Variants in PLCG2 observed in about 807,000 individuals in gnomAD.
PLCG2 encodes the protein 1-phosphatidylinositol 4,5-bisphosphate phosphodiesterase gamma-2.
Under a neutral mutation model 175.6 loss-of-function variants are expected in PLCG2, and 69 were observed. That is an observed-to-expected ratio of 0.39 (90% confidence interval 0.32 to 0.48). The LOEUF (loss-of-function observed/expected upper bound fraction) is 0.48, where lower values mean the gene tolerates loss of function less well. Among genes scored for constraint, PLCG2 ranks in the 20% least tolerant of loss-of-function variants. PLCG2 has a pLI of 0.91. For synonymous variants in PLCG2, 827 were observed against 624.0 expected (o/e 1.33, Z -4.85); for missense variants, 1,798 against 1,650.9 (o/e 1.09, Z -1.54).
intron 31 of PLCG2, among the ~76,000 whole-genome samples, chr16:81,955,741 A>C (rs771081330): frequency 6.6e-6 from 1 of 152,190 alleles, no homozygotes; most frequent in Admixed American, 6.5e-5. Flanking sequence ...AGCACCAACG[A>C]AAGTCCCACG....
At chr16:81,936,792 G>A (rs1027661401) in intron 27 of PLCG2, among the ~76,000 whole-genome samples, 4 of 152,172 alleles carry the variant, frequency 2.6e-5, no homozygotes, top group African/African-American at 7.2e-5. Context: ...CAAAGTGATC[G>A]CATAAATCAC....
intron 2 of PLCG2, among the ~76,000 whole-genome samples, chr16:81,851,782 G>T (rs374575503): frequency 6.6e-6 from 1 of 151,920 alleles, no homozygotes; most frequent in South Asian, 2.1e-4. Context: ...CAAAGTGCTG[G>T]GATTACAGGC....
At chr16:81,827,340 T>C (rs1252441434) in intron 2 of PLCG2, among the ~76,000 whole-genome samples, 1 of 151,998 alleles carries the variant, frequency 6.6e-6, no homozygotes, top group African/African-American at 2.4e-5. Flanking sequence ...TATGCTCCCA[T>C]GCGCAGCTAT....
intron 7 of PLCG2, among the ~76,000 whole-genome samples, chr16:81,873,646 A>G (rs1429768438): frequency 2.6e-5 from 4 of 152,160 alleles, no homozygotes; most frequent in African/African-American, 9.7e-5. Flanking sequence ...AGATTTGCAC[A>G]TGGCTGGGAG....
At chr16:81,863,932 T>C (rs748188705) in intron 5 of PLCG2, among the ~76,000 whole-genome samples, 2 of 152,202 alleles carry the variant, frequency 1.3e-5, no homozygotes, top group Non-Finnish European at 2.9e-5. Context: ...ATAGGCTTCC[T>C]ATTTGAGACT....
intron 2 of PLCG2, among the ~76,000 whole-genome samples, chr16:81,829,258 A>G (rs8057683): frequency 0.43 from 65,608 of 151,662 alleles, 16,128 homozygotes; most frequent in African/African-American, 0.69. Flanking sequence ...ACATGCACAC[A>G]CCAACGTGCC....
chr16:81,814,011 C>CT (rs1904431174), intron 2 of PLCG2, among the ~76,000 whole-genome samples: 1 of 152,182 alleles, frequency 6.6e-6, no homozygotes, highest in Admixed American at 6.5e-5. Flanking sequence ...GGGCATCTCT[C>CT]TGAGCCTTGA....
intron 2 of PLCG2, among the ~76,000 whole-genome samples, chr16:81,820,666 G>A (rs1597336812): frequency 6.6e-6 from 1 of 152,086 alleles, no homozygotes; most frequent in East Asian, 1.9e-4. Flanking sequence ...TATTACCCAG[G>A]CTGGAGTGCA....
In PLCG2 at chr16:81,938,729, C is replaced by T. The variant is rs1243622155; in HGVS notation, c.3199-72C>T. 42 of 853,864 alleles carry T rather than the reference C, an allele frequency of 4.9e-5. No individual in the cohort carries two copies. In the South Asian group the frequency reaches 5.6e-4, roughly 11 times the overall value. 52.9% of individuals were successfully genotyped at this position (853,864 alleles called of 1,614,324 possible). ...ACTCATCCAGTGTCACTCTAGAACC[C>T]AGCTGCAATCCACGCTAGGCTGCCT... On this transcript the variant is annotated intron_variant, in intron 28 of 32. Transcript: ENST00000564138.
chr16:81,894,934 C>T (rs1451767140), intron 12 of PLCG2, among the ~76,000 whole-genome samples: 1 of 152,060 alleles, frequency 6.6e-6, no homozygotes, highest in Non-Finnish European at 1.5e-5. Flanking sequence ...CTGACTTAGG[C>T]TCCAGTGTTA....
At chr16:81,781,166 C>G (rs1910713643) in intron 1 of PLCG2, among the ~76,000 whole-genome samples, 2 of 152,238 alleles carry the variant, frequency 1.3e-5, no homozygotes, top group Admixed American at 6.5e-5. Flanking sequence ...CTCTCCCAGC[C>G]TCCGATAAAT....
intron 4 of PLCG2, 92 bp from the exon 5 acceptor site, chr16:81,859,024 C>A: frequency 5.3e-6 from 4 of 749,926 alleles, no homozygotes. Flanking sequence ...GGTTCCAGTT[C>A]CTTTTGTGCA....
At chr16:81,868,405 C>A (rs1357487689) in intron 5 of PLCG2, among the ~76,000 whole-genome samples, 1 of 152,108 alleles carries the variant, frequency 6.6e-6, no homozygotes, top group Non-Finnish European at 1.5e-5. Flanking sequence ...CAGGGGGTCC[C>A]CACTTACTCT....
intron 2 of PLCG2, among the ~76,000 whole-genome samples, chr16:81,842,437 G>C (rs921910101): frequency 2.0e-5 from 3 of 152,200 alleles, no homozygotes; most frequent in African/African-American, 7.2e-5. Context: ...CTGCAGTGTG[G>C]CATCCCTAGC....
At chr16:81,880,752 A>G (rs779552494) in intron 7 of PLCG2, among the ~76,000 whole-genome samples, 158 bp from the exon 8 acceptor site, 8 of 152,200 alleles carry the variant, frequency 5.3e-5, no homozygotes, top group Admixed American at 2.0e-4. Flanking sequence ...AGTTTCTGTT[A>G]TATTTGAATA....
Position 81,858,252 on chromosome 16 carries a change from C to G in PLCG2, c.338-11C>G, listed in dbSNP as rs371723456. On this transcript the variant is annotated splice_polypyrimidine_tract_variant and intron_variant, in intron 3 of 32. Coordinates refer to ENST00000564138, the MANE Select transcript of PLCG2 (RefSeq NM_002661.5). ...TTAACACAGCATTTCTGTTCCCTTT[C>G]TCCACTCCAGCTGACTCTAAAGAGG... The G allele has an allele frequency of 1.3e-6, 2 of 1,589,492 alleles. No homozygotes were observed. The highest frequency in any genetic ancestry group is 2.2e-5 in the East Asian group (1 of 44,750).
At chr16:81,923,881 T>G (rs1910157518) in intron 22 of PLCG2, among the ~76,000 whole-genome samples, 1 of 152,224 alleles carries the variant, frequency 6.6e-6, no homozygotes, top group Non-Finnish European at 1.5e-5. Flanking sequence ...TGGCAAGCAG[T>G]CTGCTAATTG....
At chr16:81,951,987 G>T (rs1216068033) in intron 31 of PLCG2, among the ~76,000 whole-genome samples, 1 of 152,072 alleles carries the variant, frequency 6.6e-6, no homozygotes, top group African/African-American at 2.4e-5. Context: ...TGTATTTATT[G>T]AACGTAACCA....
chr16:81,858,757 C>G (rs1280256818), intron 4 of PLCG2, among the ~76,000 whole-genome samples: 1 of 152,200 alleles, frequency 6.6e-6, no homozygotes, highest in Non-Finnish European at 1.5e-5. Context: ...TCAAGACTGT[C>G]TCTTCAGTGT....
Sources: allele counts gnomAD v4.1 joint callset (sites outside exome capture counted in the v4.1 genomes callset), GRCh38; gene constraint gnomAD v4.1.1; transcripts MANE v1.5; gene names NCBI Gene and HGNC (gene_info 2026-07-23, HGNC 2026-07-21).